The following NT5M variants were observed in gnomAD, a reference collection of about 807,000 sequenced individuals.
NT5M encodes the protein 5'(3')-deoxyribonucleotidase, mitochondrial.
Under a neutral mutation model 22.2 loss-of-function variants are expected in NT5M, and 22 were observed. The observed-to-expected ratio is 0.99, with a 90% CI of 0.71 to 1.41. NT5M has a LOEUF of 1.41. Ranked by LOEUF, NT5M falls within the 40% of genes most tolerant of loss-of-function variation. NT5M has a pLI of 0.00. For missense variants in NT5M, 322 were observed against 314.8 expected (o/e 1.02, Z -0.17); for synonymous variants, 167 against 133.0 (o/e 1.26, Z -1.76).
intron 2 of NT5M, among the ~76,000 whole-genome samples, chr17:17,313,591 CTATT>C (rs1025697533): frequency 1.1e-4 from 17 of 152,346 alleles, no homozygotes; most frequent in African/African-American, 3.6e-4. Flanking sequence ...ACCCTCATGA[CTATT>C]TATCCAGCAT....
At chr17:17,323,353 C>A (rs1053179421) in intron 3 of NT5M, 108 bp downstream of exon 3, 5 of 915,870 alleles carry the variant, frequency 5.5e-6, no homozygotes, top group Non-Finnish European at 9.1e-6. Flanking sequence ...AGCACTCCCC[C>A]ACCTCTGTGA....
At chr17:17,306,391 C>T in intron 1 of NT5M, 152 bp from the exon 2 acceptor site, 1 of 679,810 alleles carries the variant, frequency 1.5e-6, no homozygotes, top group Non-Finnish European at 2.6e-6. Flanking sequence ...ATACTCTCCG[C>T]ACTACCCCCA....
intron 3 of NT5M, 71 bp from the exon 4 acceptor site, chr17:17,344,723 C>T (rs924473623): frequency 2.9e-5 from 45 of 1,570,376 alleles, no homozygotes; most frequent in African/African-American, 1.6e-4. Flanking sequence ...CCCCTGCCCT[C>T]GGCTCTTGGT....
intron 3 of NT5M, among the ~76,000 whole-genome samples, chr17:17,326,328 A>G (rs2145386186): frequency 6.6e-6 from 1 of 152,282 alleles, no homozygotes; most frequent in South Asian, 2.1e-4. Flanking sequence ...CTGCCTGTCA[A>G]GAGCCTGTGC....
intron 2 of NT5M, among the ~76,000 whole-genome samples, chr17:17,310,628 G>T (rs2048903239): frequency 6.6e-6 from 1 of 152,152 alleles, no homozygotes; most frequent in South Asian, 2.1e-4. Flanking sequence ...TTGAGCTCAG[G>T]AATTTGAGCC....
At chr17:17,315,676 G>A (rs1433342610) in intron 2 of NT5M, among the ~76,000 whole-genome samples, 1 of 149,520 alleles carries the variant, frequency 6.7e-6, no homozygotes, top group Non-Finnish European at 1.5e-5. Context: ...AACTTAGGAA[G>A]CATGTTGGGG....
At chr17:17,325,022 C>T (rs2049235776) in intron 3 of NT5M, among the ~76,000 whole-genome samples, 1 of 152,106 alleles carries the variant, frequency 6.6e-6, no homozygotes, top group Non-Finnish European at 1.5e-5. Context: ...CTTGGAGACT[C>T]CTTAGGAGTG....
At chr17:17,305,402 C>A (rs1597736040) in intron 1 of NT5M, among the ~76,000 whole-genome samples, 1 of 129,422 alleles carries the variant, frequency 7.7e-6, no homozygotes, top group Non-Finnish European at 1.7e-5. Context: ...CCGCCCCCCC[C>A]CCCCCGCCCC....
chr17:17,312,444 C>A (rs2048938794), intron 2 of NT5M, among the ~76,000 whole-genome samples: 1 of 151,962 alleles, frequency 6.6e-6, no homozygotes, highest in South Asian at 2.1e-4. Flanking sequence ...GAGTTCGAGG[C>A]CAGCCTGAAC....
At chr17:17,312,288 T>G (rs2048935762) in intron 2 of NT5M, among the ~76,000 whole-genome samples, 1 of 152,206 alleles carries the variant, frequency 6.6e-6, no homozygotes, top group Non-Finnish European at 1.5e-5. Flanking sequence ...TCAGAGCTTT[T>G]AAGTGCTTGT....
At chr17:17,321,432 A>G (rs146765420) in intron 2 of NT5M, among the ~76,000 whole-genome samples, 1,594 of 152,046 alleles carry the variant, frequency 0.01, 28 homozygotes, top group African/African-American at 0.036. Context: ...CCTCCTGTGC[A>G]GCAGGAAGGG....
At chr17:17,318,936 C>T (rs549854462) in intron 2 of NT5M, among the ~76,000 whole-genome samples, 3 of 151,874 alleles carry the variant, frequency 2.0e-5, no homozygotes, top group African/African-American at 4.8e-5. Context: ...ATGGGGCGGG[C>T]GTGGTGGCTC....
intron 2 of NT5M, among the ~76,000 whole-genome samples, chr17:17,322,407 C>T (rs1020549180): frequency 1.3e-5 from 2 of 152,018 alleles, no homozygotes; most frequent in African/African-American, 4.8e-5. Flanking sequence ...AGTGAGGATG[C>T]TGGGGAGAGG....
At chr17:17,339,043 A>G (rs993092078) in intron 3 of NT5M, among the ~76,000 whole-genome samples, 2 of 152,146 alleles carry the variant, frequency 1.3e-5, no homozygotes, top group Non-Finnish European at 2.9e-5. Context: ...TGGTATTTTA[A>G]TAGGGATTGC....
rs1375017525 is a variant in NT5M, at chr17:17,323,251, G to T, written c.429+6G>T. ...AGTACTGTCCCTATGAGAAGGTAAGGCGTGCGTCTGCTCAGCTGAGCCCTT... is the reference window on the plus strand; with the variant it reads ...AGTACTGTCCCTATGAGAAGGTAAGTCGTGCGTCTGCTCAGCTGAGCCCTT... On this transcript the variant is annotated splice_donor_region_variant and intron_variant, in intron 3 of 4. Transcript: ENST00000389022. The T allele has an allele frequency of 6.2e-7, 1 of 1,612,484 alleles. No individual in the cohort carries two copies. Among genetic ancestry groups the T allele is most frequent in the African/African-American group, 1.3e-5 (1 of 74,916 alleles).
At chr17:17,337,785 T>C (rs1942959510) in intron 3 of NT5M, among the ~76,000 whole-genome samples, 1 of 152,236 alleles carries the variant, frequency 6.6e-6, no homozygotes, top group Non-Finnish European at 1.5e-5. Flanking sequence ...TTTGACTCCT[T>C]ATGTATTCTG....
intron 2 of NT5M, among the ~76,000 whole-genome samples, chr17:17,308,687 A>G (rs1308747733): frequency 6.6e-6 from 1 of 152,100 alleles, no homozygotes; most frequent in Non-Finnish European, 1.5e-5. Context: ...AACCATCATC[A>G]TATCCGCTTC....
chr17:17,331,272 G>A (rs960185972), intron 3 of NT5M, among the ~76,000 whole-genome samples: 5 of 150,446 alleles, frequency 3.3e-5, no homozygotes, highest in South Asian at 2.1e-4. Flanking sequence ...CTTTCTTGGC[G>A]TGTTTCTGGC....
At chr17:17,303,926 C>A in intron 1 of NT5M, 109 bp downstream of exon 1, 1 of 1,316,588 alleles carries the variant, frequency 7.6e-7, no homozygotes, top group Non-Finnish European at 9.7e-7. Context: ...CTCGGGGTGG[C>A]CCTCTGATAG....
Sources: gnomAD v4.1 joint callset for allele counts (sites outside exome capture counted in the v4.1 genomes callset) on GRCh38, gnomAD v4.1.1 for gene constraint, MANE v1.5 for transcripts, NCBI Gene and HGNC (gene_info 2026-07-23, HGNC 2026-07-21) for gene names.